The following TMEM128 variants were observed in gnomAD, a reference collection of about 807,000 sequenced individuals.
TMEM128 encodes the protein transmembrane protein 128.
TMEM128 carries 16 observed loss-of-function variants against 19.7 expected under a neutral mutation model. That is an observed-to-expected ratio of 0.81 (90% CI 0.55 to 1.23). The LOEUF (loss-of-function observed/expected upper bound fraction) is 1.23, where lower values mean the gene tolerates loss of function less well. TMEM128 is among the 50% of genes most tolerant of loss of function. The pLI is 0.00. For missense variants in TMEM128, 237 were observed against 200.8 expected, an observed-to-expected ratio of 1.18 and a Z score of -1.09; for synonymous variants, 98 against 75.8, an observed-to-expected ratio of 1.29 and a Z score of -1.52.
At chr4:4,244,763 C>T (rs1236657706) in intron 2 of TMEM128, among the ~76,000 whole-genome samples, 1 of 152,148 alleles carries the variant, frequency 6.6e-6, no homozygotes, top group East Asian at 1.9e-4. Context: ...CCAGACTCTG[C>T]GCTTCCTATG....
intron 2 of TMEM128, among the ~76,000 whole-genome samples, chr4:4,245,926 A>C (rs1259022533): frequency 6.6e-6 from 1 of 152,158 alleles, no homozygotes; most frequent in Admixed American, 6.5e-5. Context: ...GGAGGACACA[A>C]GACCTACTCT....
chr4:4,239,538 A>G (rs1345482390), intron 3 of TMEM128, among the ~76,000 whole-genome samples: 1 of 152,232 alleles, frequency 6.6e-6, no homozygotes, highest in Non-Finnish European at 1.5e-5. Context: ...GGGTACATAT[A>G]TATACATATA....
chr4:4,239,779 A>G (rs1315321758), intron 3 of TMEM128, among the ~76,000 whole-genome samples: 1 of 152,254 alleles, frequency 6.6e-6, no homozygotes, highest in Non-Finnish European at 1.5e-5. Context: ...AATGCTGCAC[A>G]CAGCCAGCTC....
chr4:4,245,703 T>C (rs1718138279), intron 2 of TMEM128, among the ~76,000 whole-genome samples: 1 of 152,162 alleles, frequency 6.6e-6, no homozygotes, highest in Admixed American at 6.5e-5. Context: ...TGAAGTACAA[T>C]TGACAAATTA....
In TMEM128 at chr4:4,246,277, C is replaced by T; in HGVS notation, c.164G>A (p.Trp55Ter). The change falls in exon 2 of 5, where the codon TGG becomes TAG. Residue 55 changes from tryptophan (W) to a stop codon, truncating the protein, a stop_gained. Coordinates refer to ENST00000382753, the MANE Select transcript of TMEM128 (RefSeq NM_001297551.2). LOFTEE classifies it high-confidence loss of function. ...GGTCACAACAATGGATGCCAAAATC[C>T]AGAATCCAGAATGGATATTAAGTCT... ...LPRLNIHSGF[W>*]ILASIVVTYY... The T allele has an allele frequency of 6.2e-7, 1 of 1,612,748 alleles. No individual in the cohort carries two copies. The highest frequency in any genetic ancestry group is 8.5e-7 in the Non-Finnish European group (1 of 1,179,498).
intron 2 of TMEM128, among the ~76,000 whole-genome samples, chr4:4,245,273 A>T (rs549419624): frequency 6.6e-6 from 1 of 151,866 alleles, no homozygotes; most frequent in East Asian, 1.9e-4. Flanking sequence ...CTCCATGTCA[A>T]CTCTGGAGAC....
chr4:4,246,479 T>G (rs1298804017), intron 1 of TMEM128, 136 bp from the exon 2 acceptor site: 1 of 834,250 alleles, frequency 1.2e-6, no homozygotes, highest in African/African-American at 1.7e-5. Context: ...TGTAAAACCC[T>G]TGAGATAGGT....
intron 2 of TMEM128, among the ~76,000 whole-genome samples, chr4:4,243,724 CT>C (rs1718054910): frequency 6.6e-6 from 1 of 152,202 alleles, no homozygotes; most frequent in South Asian, 2.1e-4. Flanking sequence ...CTTCTACTTT[CT>C]TTCCAACCCC....
At chr4:4,238,771 C>G (rs537418158) in intron 3 of TMEM128, among the ~76,000 whole-genome samples, 2 of 152,250 alleles carry the variant, frequency 1.3e-5, no homozygotes, top group South Asian at 4.1e-4. Context: ...TGGTGGCGCA[C>G]GCCTGTAATC....
In TMEM128 at chr4:4,236,217, G is replaced by A. The variant is rs546582257; in HGVS notation, c.*49C>T. 130 of 149,260 alleles carry A rather than the reference G, an allele frequency of 8.7e-4. 1 individual carries two copies. Among genetic ancestry groups the A allele is most frequent in the African/African-American group, 3.2e-3 (129 of 40,430 alleles). 9.2% of individuals were successfully genotyped at this position (149,260 alleles called of 1,614,324 possible). A position where few individuals can be genotyped will look rare whatever the true frequency, so the allele number is the denominator to read the frequency against. On this transcript the variant is annotated 3_prime_UTR_variant, in exon 5 of 5. Transcript: ENST00000382753. ...AGGCAGGAGGATCACTTGATCCCAG[G>A]AGTTCAAAGACAGCCTGGGCAACAT...
intron 3 of TMEM128, among the ~76,000 whole-genome samples, chr4:4,238,850 C>T (rs867017588): frequency 6.6e-6 from 1 of 152,086 alleles, no homozygotes; most frequent in African/African-American, 2.4e-5. Context: ...CTGAGCAGCA[C>T]AGCGAAACCC....
Position 4,240,431 on chromosome 4 carries a change from T to C in TMEM128, c.288A>G (p.Ala96=), listed in dbSNP as rs1475289071. 6.2e-7 allele frequency: 1 copy of C among 1,613,916 alleles called. No individual in the cohort carries two copies. The highest frequency in any genetic ancestry group is 8.5e-7 in the Non-Finnish European group (1 of 1,179,854). ...SALLLVSLSI[A]FYCIVYLEWY... ...ATTCCAGGTAGACTATGCAGTAAAATGCAATTGATAAACTGACAAGCAACA... is the reference window on the plus strand; with the variant it reads ...ATTCCAGGTAGACTATGCAGTAAAACGCAATTGATAAACTGACAAGCAACA... Residue 96 remains alanine, a synonymous_variant, in exon 3 of 5, where the codon GCA becomes GCG. Transcript: ENST00000382753.
At chr4:4,247,946 G>GCACAA in intron 1 of TMEM128, 160 bp downstream of exon 1, 1 of 1,436,052 alleles carries the variant, frequency 7.0e-7, no homozygotes, top group Non-Finnish European at 9.1e-7. Flanking sequence ...AAATGACGAT[G>GCACAA]CACAGCACTC....
chr4:4,243,132 T>G (rs966992046), intron 2 of TMEM128, among the ~76,000 whole-genome samples: 1 of 152,296 alleles, frequency 6.6e-6, no homozygotes, highest in Middle Eastern at 3.4e-3. Flanking sequence ...CAGGCTGGAG[T>G]GCAGTGGCGC....
chr4:4,238,517 G>A (rs1354160498), intron 3 of TMEM128, among the ~76,000 whole-genome samples: 3 of 152,126 alleles, frequency 2.0e-5, no homozygotes, highest in Non-Finnish European at 4.4e-5. Context: ...AGTTTGATAA[G>A]TATGAGTATT....
chr4:4,243,377 T>C (rs370195172), intron 2 of TMEM128, among the ~76,000 whole-genome samples: 7 of 152,314 alleles, frequency 4.6e-5, no homozygotes, highest in South Asian at 4.1e-4. Flanking sequence ...CCACCGCGCC[T>C]GGCCTGTTTT....
At chr4:4,244,332 C>T (rs547363441) in intron 2 of TMEM128, among the ~76,000 whole-genome samples, 1 of 152,022 alleles carries the variant, frequency 6.6e-6, no homozygotes, top group Non-Finnish European at 1.5e-5. Context: ...ACCAAATTAG[C>T]CAGGCATGGT....
Position 4,237,978 on chromosome 4 carries a change from A to G in TMEM128, c.399-43T>C, listed in dbSNP as rs1242943107. ...TAAACAGTTGACAACTCCAATATGCATCAATATATTTTATTCTAGAATCCA... is the reference window on the plus strand; with the variant it reads ...TAAACAGTTGACAACTCCAATATGCGTCAATATATTTTATTCTAGAATCCA... On this transcript the variant is annotated intron_variant, in intron 3 of 4. Transcript: ENST00000382753. 6 of 1,228,250 alleles carry G rather than the reference A, an allele frequency of 4.9e-6. No individual in the cohort carries two copies. In the African/African-American group the frequency reaches 9.3e-5, roughly 19 times the overall value. 76.1% of individuals were successfully genotyped at this position (1,228,250 alleles called of 1,614,324 possible). A position where few individuals can be genotyped will look rare whatever the true frequency, so the allele number is the denominator to read the frequency against.
At chr4:4,237,070 G>A (rs1264131132) in intron 4 of TMEM128, 1 of 455,664 alleles carries the variant, frequency 2.2e-6, no homozygotes, top group African/African-American at 2.0e-5. Flanking sequence ...ATCTCAGGAT[G>A]GGGTGATCTG....
Sources: allele counts gnomAD v4.1 joint callset (sites outside exome capture counted in the v4.1 genomes callset), GRCh38; gene constraint gnomAD v4.1.1; transcripts MANE v1.5; gene names NCBI Gene and HGNC (gene_info 2026-07-23, HGNC 2026-07-21).